PTPRD: variants seen among roughly 807,000 people sequenced by gnomAD.
The protein encoded by PTPRD is receptor-type tyrosine-protein phosphatase delta.
In PTPRD, 34 loss-of-function variants were observed where a neutral mutation model predicts 214.5. The ratio of observed to expected loss-of-function variants is 0.16; its 90% CI spans 0.12 to 0.21. The LOEUF is 0.21. Ranked by LOEUF, PTPRD falls within the 10% of genes least tolerant of loss-of-function variation. The pLI, the probability that PTPRD is intolerant of heterozygous loss-of-function variation, is 1.00. For missense variants in PTPRD, 2,545 were observed against 2,398.7 expected (o/e 1.06, Z -1.27); for synonymous variants, 1,128 against 845.7 (o/e 1.33, Z -5.79).
chr9:8,987,849 G>C (rs569679757), intron 11 of PTPRD, among the ~76,000 whole-genome samples: 7 of 152,174 alleles, frequency 4.6e-5, no homozygotes, highest in African/African-American at 1.4e-4. Context: ...AGGAAAGACA[G>C]GTAAATCAGG....
rs376271804 is a variant in PTPRD at position 9,717,250 on chromosome 9, A to G, written c.-287+17283T>C. ...CCAGTACCATGCTGTTTTGCTTACT[A>G]TAGCCTTGTAGTATAGTTTGAAGTC... On this transcript the variant is annotated intron_variant, in intron 7 of 45. Transcript: ENST00000381196. Among the ~76,000 whole-genome samples the G allele has an allele frequency of 3.9e-5, 6 of 152,252 alleles. No individual in the cohort carries two copies. The South Asian group carries it at 1.2e-3, about 32-fold the overall frequency.
rs1291551878 is a variant in PTPRD at position 8,903,766 on chromosome 9, A to AGGCAGTGTCTC, written c.-104+114930_-104+114931insGAGACACTGCC. Reference sequence around the variant, plus strand: ...TCTCTACCTTTAAAAAATTATGGGAAATTTGATTACTATTTAAAAGACTAC... The same window carrying AGGCAGTGTCTC: ...TCTCTACCTTTAAAAAATTATGGGAAGGCAGTGTCTCATTTGATTACTATTTAAAAGACTAC... On this transcript the variant is annotated intron_variant, in intron 11 of 45. Transcript: ENST00000381196. Among the ~76,000 whole-genome samples, 796 of 148,350 alleles carry AGGCAGTGTCTC rather than the reference A, an allele frequency of 5.4e-3. 22 individuals are homozygous for AGGCAGTGTCTC. Among genetic ancestry groups the AGGCAGTGTCTC allele is most frequent in the African/African-American group, 0.02 (749 of 37,888 alleles).
At chr9:10,111,527 C>T (rs1159172489) in intron 3 of PTPRD, among the ~76,000 whole-genome samples, 3 of 151,988 alleles carry the variant, frequency 2.0e-5, no homozygotes, top group Admixed American at 6.6e-5. Context: ...CGTGAGCCAC[C>T]GCGCCCGGCC....
rs1410242148 is a variant in PTPRD at position 9,174,306 on chromosome 9, A to C, written c.-143+8998T>G. 2.6e-5 allele frequency among the ~76,000 whole-genome samples: 4 copies of C among 152,160 alleles called. 1 individual carries two copies. The highest frequency in any genetic ancestry group is 5.9e-5 in the Non-Finnish European group (4 of 68,016). On this transcript the variant is annotated intron_variant, in intron 10 of 45. Coordinates refer to ENST00000381196, the MANE Select transcript of PTPRD (RefSeq NM_002839.4). The stretch of plus-strand genomic sequence containing the variant: ...GTGACTGATTAATAAATATTCAATA[A>C]ATAGATGAATGAAAAAAGGGACTTT...
intron 35 of PTPRD, among the ~76,000 whole-genome samples, chr9:8,418,224 C>CTT (rs375048364): frequency 4.1e-5 from 6 of 147,786 alleles, no homozygotes; most frequent in Non-Finnish European, 9.0e-5. Context: ...TTATCCTTTT[C>CTT]TTTTTTTTTT....
intron 3 of PTPRD, among the ~76,000 whole-genome samples, chr9:10,069,777 T>C (rs1179377365): frequency 2.0e-5 from 3 of 152,046 alleles, no homozygotes; most frequent in Non-Finnish European, 4.4e-5. Context: ...ACTTTGACAA[T>C]TATGACAATT....
At chr9:10,527,946 T>C (rs2054835325) in intron 2 of PTPRD, among the ~76,000 whole-genome samples, 1 of 152,154 alleles carries the variant, frequency 6.6e-6, no homozygotes, top group African/African-American at 2.4e-5. Context: ...ATACACTATA[T>C]TCTAAATAAT....
At chr9:9,732,897 G>A (rs1336838945) in intron 7 of PTPRD, among the ~76,000 whole-genome samples, 1 of 134,588 alleles carries the variant, frequency 7.4e-6, no homozygotes, top group Admixed American at 7.2e-5. Flanking sequence ...GGGCAACACA[G>A]TGAAACCTTG....
chr9:10,453,975 T>C (rs949295838), intron 2 of PTPRD, among the ~76,000 whole-genome samples: 1 of 151,594 alleles, frequency 6.6e-6, no homozygotes, highest in Non-Finnish European at 1.5e-5. Context: ...CCCCAAACAA[T>C]AGGCTGGTAT....
chr9:8,596,254 TTATGGATTA>T (rs201761480), intron 14 of PTPRD, among the ~76,000 whole-genome samples: 4,826 of 152,124 alleles, frequency 0.032, 110 homozygotes, highest in Non-Finnish European at 0.053. Flanking sequence ...TATATGGATT[TTATGGATTA>T]TATGGATTAT....
intron 10 of PTPRD, among the ~76,000 whole-genome samples, chr9:9,092,180 T>G (rs1481595929): frequency 6.6e-6 from 1 of 152,154 alleles, no homozygotes; most frequent in Admixed American, 6.5e-5. Flanking sequence ...TTAGAAATAA[T>G]GCACCATTTT....
rs368759966 is a variant in PTPRD, at chr9:10,186,087, A to ATT, written c.-544-152299_-544-152298dup. Among the ~76,000 whole-genome samples the ATT allele has an allele frequency of 1.1e-3, 168 of 148,722 alleles. No individual in the cohort carries two copies. In the East Asian group the frequency reaches 0.015, roughly 13 times the overall value. ...GATAATTATGCTAGAAATAAACAAT[A>ATT]TTTTTTTTTTTTATTGAGGGCAGTA... is the stretch of plus-strand genomic sequence containing the variant. On this transcript the variant is annotated intron_variant, in intron 3 of 45. Coordinates refer to ENST00000381196, the MANE Select transcript of PTPRD (RefSeq NM_002839.4).
chr9:9,645,365 C>T (rs555812416), intron 7 of PTPRD, among the ~76,000 whole-genome samples: 2 of 151,974 alleles, frequency 1.3e-5, no homozygotes, highest in Non-Finnish European at 2.9e-5. Flanking sequence ...TCATATTAAA[C>T]TCCCAATTTT....
chr9:10,381,803 G>A (rs370399739), intron 2 of PTPRD, among the ~76,000 whole-genome samples: 2 of 151,814 alleles, frequency 1.3e-5, no homozygotes, highest in Admixed American at 1.3e-4. Flanking sequence ...CATACATAAT[G>A]GCTTATTATA....
At chr9:9,230,172 A>T (rs1304126407) in intron 9 of PTPRD, among the ~76,000 whole-genome samples, 1 of 152,090 alleles carries the variant, frequency 6.6e-6, no homozygotes, top group Non-Finnish European at 1.5e-5. Context: ...CTAATGAGAC[A>T]ATGGGGGTGG....
chr9:9,220,416 C>T (rs748395624), intron 9 of PTPRD, among the ~76,000 whole-genome samples: 2 of 151,246 alleles, frequency 1.3e-5, no homozygotes, highest in South Asian at 2.1e-4. Context: ...AAATGAAGGC[C>T]AATACACTAA....
intron 11 of PTPRD, among the ~76,000 whole-genome samples, chr9:8,919,489 C>G (rs1322230964): frequency 1.3e-5 from 2 of 151,704 alleles, no homozygotes; most frequent in Admixed American, 1.3e-4. Context: ...TGTTTAGATA[C>G]AGACTTGCTC....
chr9:9,194,548 G>A (rs1467736157), intron 9 of PTPRD, among the ~76,000 whole-genome samples: 1 of 152,048 alleles, frequency 6.6e-6, no homozygotes, highest in Non-Finnish European at 1.5e-5. Flanking sequence ...TAATCTCATG[G>A]GACCACTGTC....
intron 5 of PTPRD, among the ~76,000 whole-genome samples, chr9:9,907,318 G>T (rs1241988088): frequency 6.6e-6 from 1 of 151,838 alleles, no homozygotes; most frequent in Non-Finnish European, 1.5e-5. Context: ...ATATTAGTCT[G>T]CTAGGGCCGT....
Sources: allele counts gnomAD v4.1 joint callset (sites outside exome capture counted in the v4.1 genomes callset), GRCh38; gene constraint gnomAD v4.1.1; transcripts MANE v1.5; gene names NCBI Gene and HGNC (gene_info 2026-07-23, HGNC 2026-07-21).